Variants in TBCK observed in about 807,000 individuals in gnomAD.
TBCK encodes the protein TBC domain-containing protein kinase-like protein.
TBCK carries 99 observed loss-of-function variants against 113.4 expected under a neutral mutation model. The ratio of observed to expected loss-of-function variants is 0.87; its 90% CI spans 0.74 to 1.03. TBCK has a LOEUF of 1.03. TBCK is among the 50% of genes least tolerant of loss of function. The probability of loss-of-function intolerance (pLI) is 0.00; values close to 1 mark genes in which losing one functional copy is unlikely to be tolerated. For missense variants in TBCK, 1,045 were observed against 1,061.3 expected (o/e 0.98, Z 0.21); for synonymous variants, 369 against 370.8 (o/e 1.00, Z 0.05).
intron 19 of TBCK, chr4:106,213,599 G>A (rs1013337033): frequency 6.5e-6 from 1 of 153,544 alleles, no homozygotes; most frequent in Non-Finnish European, 1.4e-5. Flanking sequence ...ATCAAAGAAA[G>A]GGGTGACGGA....
intron 2 of TBCK, among the ~76,000 whole-genome samples, chr4:106,305,203 T>C (rs1326989243): frequency 6.6e-6 from 1 of 152,154 alleles, no homozygotes; most frequent in Non-Finnish European, 1.5e-5. Flanking sequence ...ATATATAAAA[T>C]ACTGTATGAA....
At chr4:106,253,879 T>A (rs1344728102) in intron 5 of TBCK, among the ~76,000 whole-genome samples, 1 of 152,124 alleles carries the variant, frequency 6.6e-6, no homozygotes, top group East Asian at 1.9e-4. Context: ...CAGCTAAGAT[T>A]TATTACAGTG....
chr4:106,050,038 G>A (rs1734639401), intron 25 of TBCK, among the ~76,000 whole-genome samples: 1 of 152,010 alleles, frequency 6.6e-6, no homozygotes, highest in South Asian at 2.1e-4. Flanking sequence ...CTTTGCACTA[G>A]AAGAGGCTGC....
intron 3 of TBCK, among the ~76,000 whole-genome samples, chr4:106,268,187 T>C (rs1763160052): frequency 6.6e-6 from 1 of 152,052 alleles, no homozygotes; most frequent in Non-Finnish European, 1.5e-5. Context: ...CAGATATGGT[T>C]TGCCATTTCA....
intron 19 of TBCK, among the ~76,000 whole-genome samples, chr4:106,229,818 T>C (rs1224011779): frequency 6.6e-6 from 1 of 151,860 alleles, no homozygotes; most frequent in Non-Finnish European, 1.5e-5. Context: ...AAAAAAGAGT[T>C]CAGGAAATTA....
intron 5 of TBCK, among the ~76,000 whole-genome samples, chr4:106,254,068 T>G (rs1761717556): frequency 6.6e-6 from 1 of 152,186 alleles, no homozygotes; most frequent in South Asian, 2.1e-4. Context: ...TTTCTTTTCT[T>G]TCTTTTTTTT....
At chr4:106,281,571 G>T (rs918148029) in intron 3 of TBCK, among the ~76,000 whole-genome samples, 1 of 151,948 alleles carries the variant, frequency 6.6e-6, no homozygotes, top group Non-Finnish European at 1.5e-5. Context: ...GTCATACATG[G>T]CTTTTATTAT....
At chr4:106,081,170 C>A (rs1029441522) in intron 25 of TBCK, among the ~76,000 whole-genome samples, 3 of 152,180 alleles carry the variant, frequency 2.0e-5, no homozygotes, top group African/African-American at 7.2e-5. Flanking sequence ...ACCCAGCAAT[C>A]CTATTACTTG....
chr4:106,278,727 T>C (rs1764271950), intron 3 of TBCK, among the ~76,000 whole-genome samples: 1 of 151,946 alleles, frequency 6.6e-6, no homozygotes, highest in African/African-American at 2.4e-5. Context: ...ATATAAAATG[T>C]ATAACAAAAC....
chr4:106,307,046 A>T (rs533732690), intron 2 of TBCK, among the ~76,000 whole-genome samples: 1 of 152,328 alleles, frequency 6.6e-6, no homozygotes, highest in South Asian at 2.1e-4. Context: ...CCTCCTGACA[A>T]CATCTAACTA....
At chr4:106,107,890 C>T (rs554764925) in intron 24 of TBCK, among the ~76,000 whole-genome samples, 1 of 152,116 alleles carries the variant, frequency 6.6e-6, no homozygotes, top group Non-Finnish European at 1.5e-5. Flanking sequence ...ACTAGCTAGA[C>T]TAAGAAGAAA....
chr4:106,289,205 G>T (rs985738072), intron 3 of TBCK, among the ~76,000 whole-genome samples: 1 of 152,120 alleles, frequency 6.6e-6, no homozygotes, highest in Admixed American at 6.5e-5. Flanking sequence ...GTATTTTTCT[G>T]TTCTCTTGGA....
chr4:106,143,262 G>A (rs555682724), intron 23 of TBCK, among the ~76,000 whole-genome samples: 6 of 152,022 alleles, frequency 3.9e-5, no homozygotes, highest in African/African-American at 1.4e-4. Flanking sequence ...TGTTTTTCCT[G>A]CCCCTTTTTC....
At chr4:106,275,093 T>C (rs924564486) in intron 3 of TBCK, among the ~76,000 whole-genome samples, 2 of 152,112 alleles carry the variant, frequency 1.3e-5, no homozygotes, top group African/African-American at 4.8e-5. Context: ...CATACCTGGA[T>C]GACAGAGCAG....
At chr4:106,255,298 G>A (rs569784701) in intron 5 of TBCK, among the ~76,000 whole-genome samples, 2 of 152,348 alleles carry the variant, frequency 1.3e-5, no homozygotes, top group East Asian at 3.9e-4. Context: ...GACCCACTGG[G>A]CCCGTTCCAT....
chr4:106,146,669 T>C (rs1037744735), intron 23 of TBCK, among the ~76,000 whole-genome samples: 2 of 152,220 alleles, frequency 1.3e-5, no homozygotes, highest in African/African-American at 2.4e-5. Context: ...TTTTTGCTGG[T>C]GGACGGTCTT....
chr4:106,247,084 A>C, intron 10 of TBCK, 55 bp downstream of exon 10: 1 of 1,548,288 alleles, frequency 6.5e-7, no homozygotes, highest in Non-Finnish European at 8.7e-7. Context: ...TAGGACAAGG[A>C]AACTTCTTTA....
At chr4:106,246,000 C>A (rs1330132509) in intron 10 of TBCK, among the ~76,000 whole-genome samples, 1 of 152,102 alleles carries the variant, frequency 6.6e-6, no homozygotes. Context: ...GGAAATTTTA[C>A]ACTCTATATT....
At chr4:106,217,900 C>T (rs1250567402) in intron 19 of TBCK, among the ~76,000 whole-genome samples, 1,988 of 145,120 alleles carry the variant, frequency 0.014, 49 homozygotes, top group African/African-American at 0.046. Flanking sequence ...AAAAAGAGCC[C>T]GCATCGCCAA....
Sources: gnomAD v4.1 joint callset for allele counts (sites outside exome capture counted in the v4.1 genomes callset) on GRCh38, gnomAD v4.1.1 for gene constraint, MANE v1.5 for transcripts, NCBI Gene and HGNC (gene_info 2026-07-23, HGNC 2026-07-21) for gene names.